The following ATP8B1 variants were observed in gnomAD, a reference collection of about 807,000 sequenced individuals.
ATP8B1 encodes phospholipid-transporting ATPase IC.
A neutral mutation model predicts 149.9 loss-of-function variants in ATP8B1; 80 were observed. The ratio of observed to expected loss-of-function variants is 0.53; its 90% CI spans 0.45 to 0.64. The LOEUF (loss-of-function observed/expected upper bound fraction) is 0.64, where lower values mean the gene tolerates loss of function less well. Among genes scored for constraint, ATP8B1 ranks in the 30% least tolerant of loss-of-function variants. The probability of loss-of-function intolerance (pLI) is 0.00; values close to 1 mark genes in which losing one functional copy is unlikely to be tolerated. For synonymous variants in ATP8B1, 536 were observed against 562.8 expected, an observed-to-expected ratio of 0.95 and a Z score of 0.67; for missense variants, 1,247 against 1,552.6, an observed-to-expected ratio of 0.80 and a Z score of 3.31.
At chr18:57,789,965 A>G (rs1324362486) in intron 1 of ATP8B1, among the ~76,000 whole-genome samples, 1 of 152,106 alleles carries the variant, frequency 6.6e-6, no homozygotes, top group African/African-American at 2.4e-5. Context: ...CTGAATCACC[A>G]ATGCTTGACC....
intron 1 of ATP8B1, among the ~76,000 whole-genome samples, chr18:57,775,403 G>A (rs1471903784): frequency 6.6e-6 from 1 of 151,520 alleles, no homozygotes; most frequent in African/African-American, 2.4e-5. Flanking sequence ...AAGGAGAGGG[G>A]CGGAATGGAG....
At position 57,648,546 on chromosome 18, in the gene ATP8B1, G is replaced by A. The variant is rs749210750; in HGVS notation, c.3698C>T (p.Pro1233Leu). 1 of 1,611,574 alleles carries A rather than the reference G, an allele frequency of 6.2e-7. No individual in the cohort carries two copies. ...GCCATCCGCCACGATGGCATCAAGC[G>A]GCGAGCGCTTCTTGCGGATGCTGCG... is the stretch of plus-strand genomic sequence containing the variant. ...SGRSIRKKRS[P>L]LDAIVADGTA... The change falls in exon 28 of 28, where the codon CCG (proline) becomes CTG (leucine). Residue 1233 changes from proline (P) to leucine (L), a missense_variant. Physicochemically the swap from Pro to Leu is moderately conservative, Grantham distance 98 (BLOSUM62 -3). Around this residue, in one of 3 missense-constraint regions of ATP8B1, gnomAD observed 164 missense variants for 160.3 expected, o/e 1.02. Coordinates refer to ENST00000648908, the MANE Select transcript of ATP8B1 (RefSeq NM_001374385.1).
intron 3 of ATP8B1, 129 bp downstream of exon 3, chr18:57,706,361 A>T (rs73443026): frequency 1.3e-6 from 1 of 741,040 alleles, no homozygotes; most frequent in African/African-American, 1.7e-5. Context: ...TATAGAAACA[A>T]TGATGATTAT....
intron 2 of ATP8B1, among the ~76,000 whole-genome samples, chr18:57,721,923 A>G (rs2079650845): frequency 8.2e-6 from 1 of 122,226 alleles, no homozygotes; most frequent in Non-Finnish European, 1.7e-5. Context: ...CAATCAAACT[A>G]GAACTCAGGA....
intron 6 of ATP8B1, among the ~76,000 whole-genome samples, chr18:57,699,708 G>C (rs577915084): frequency 6.8e-6 from 1 of 146,890 alleles, no homozygotes. Context: ...GCGACAGAGC[G>C]AGACTCCGTC....
chr18:57,740,835 C>T (rs1483652992), intron 1 of ATP8B1: 1 of 152,204 alleles, frequency 6.6e-6, no homozygotes, highest in Admixed American at 6.6e-5. Flanking sequence ...CTTGGCCTCA[C>T]AAAATACTGG....
intron 12 of ATP8B1, among the ~76,000 whole-genome samples, chr18:57,689,622 C>T (rs1433006211): frequency 6.6e-6 from 1 of 152,090 alleles, no homozygotes; most frequent in Non-Finnish European, 1.5e-5. Context: ...TGTCTGTAAA[C>T]AAAACAAAGT....
chr18:57,681,075 A>C (rs1305622589), intron 15 of ATP8B1, among the ~76,000 whole-genome samples: 1 of 152,172 alleles, frequency 6.6e-6, no homozygotes, highest in African/African-American at 2.4e-5. Flanking sequence ...CTTAAAATAG[A>C]TTATCCAGGT....
At chr18:57,705,147 C>T (rs1386926037) in intron 3 of ATP8B1, among the ~76,000 whole-genome samples, 4 of 152,174 alleles carry the variant, frequency 2.6e-5, no homozygotes, top group Non-Finnish European at 5.9e-5. Flanking sequence ...AGCCAAGCCT[C>T]AAAATGACTA....
rs966151863 is a variant in ATP8B1 at position 57,784,241 on chromosome 18, C to T, written c.-26+18757G>A. Reference sequence around the variant, plus strand: ...TTGCAGGGGGAAGCCGGGGTCAGGGCGGGCTGGGCATAGAGAGCTGTGGAG... The same window carrying T: ...TTGCAGGGGGAAGCCGGGGTCAGGGTGGGCTGGGCATAGAGAGCTGTGGAG... On this transcript the variant is annotated intron_variant, in intron 1 of 27. Coordinates refer to ENST00000648908, the MANE Select transcript of ATP8B1 (RefSeq NM_001374385.1). The surrounding 1 kb of genome is among the most constrained non-coding windows in gnomAD (Gnocchi z 4.4). Among the ~76,000 whole-genome samples the T allele has an allele frequency of 4.6e-5, 7 of 152,190 alleles. No homozygotes were observed. Among genetic ancestry groups the T allele is most frequent in the Admixed American group, 2.6e-4 (4 of 15,264 alleles).
rs532323961 is a variant in ATP8B1, at chr18:57,663,083, C to T, written c.2286-468G>A. 3.3e-5 allele frequency among the ~76,000 whole-genome samples: 5 copies of T among 152,234 alleles called. No homozygotes were observed. In the South Asian group the frequency reaches 1.0e-3, roughly 32 times the overall value. The stretch of plus-strand genomic sequence containing the variant: ...AAACTCTATACCTATTAAACAATAA[C>T]ACCTCACCTCACTCGCCCTCCAGTC... On this transcript the variant is annotated intron_variant, in intron 20 of 27. Coordinates refer to ENST00000648908, the MANE Select transcript of ATP8B1 (RefSeq NM_001374385.1).
intron 2 of ATP8B1, among the ~76,000 whole-genome samples, chr18:57,717,848 G>A (rs1236103379): frequency 1.3e-5 from 2 of 150,894 alleles, no homozygotes; most frequent in Non-Finnish European, 3.0e-5. Flanking sequence ...CAATTCTTGT[G>A]CCTCAGTCTC....
intron 1 of ATP8B1, among the ~76,000 whole-genome samples, chr18:57,790,347 C>T (rs1259042210): frequency 6.6e-6 from 1 of 151,716 alleles, no homozygotes; most frequent in Non-Finnish European, 1.5e-5. Flanking sequence ...CCCCATATCG[C>T]AGTCTCTGGA....
At chr18:57,732,129 G>GTATATATATGTATATATATGTGTA (rs368854552) in intron 1 of ATP8B1, 1 of 41,450 alleles carries the variant, frequency 2.4e-5, no homozygotes, top group African/African-American at 7.8e-5. Flanking sequence ...ATATATATGT[G>GTATATATATGTATATATATGTGTA]TATATGTATA....
intron 2 of ATP8B1, among the ~76,000 whole-genome samples, chr18:57,718,744 C>G (rs1025411810): frequency 2.2e-4 from 34 of 152,164 alleles, no homozygotes; most frequent in African/African-American, 8.2e-4. Context: ...TGTGATATGT[C>G]ATGTCAACAG....
intron 13 of ATP8B1, among the ~76,000 whole-genome samples, chr18:57,687,512 G>A (rs763595106): frequency 2.0e-5 from 3 of 152,236 alleles, no homozygotes; most frequent in Middle Eastern, 3.4e-3. Context: ...TGGCATAAAC[G>A]AGTTCAGGTT....
chr18:57,750,890 G>A (rs374252849), intron 1 of ATP8B1, among the ~76,000 whole-genome samples: 1 of 152,100 alleles, frequency 6.6e-6, no homozygotes, highest in Admixed American at 6.5e-5. Context: ...AGGCCAAGGC[G>A]GGTGGATCGC....
Position 57,668,507 on chromosome 18 carries a change from G to T in ATP8B1, c.2131C>A (p.Gln711Lys). The T allele has an allele frequency of 6.5e-7, 1 of 1,537,970 alleles. No homozygotes were observed. Among genetic ancestry groups the T allele is most frequent in the Non-Finnish European group, 8.8e-7 (1 of 1,131,960 alleles). The change falls in exon 19 of 28, where the codon CAG (glutamine) becomes AAG (lysine). Residue 711 changes from glutamine (Q) to lysine (K), a missense_variant. By Grantham distance (53) the Gln-to-Lys change is moderately conservative. Coordinates refer to ENST00000648908, the MANE Select transcript of ATP8B1 (RefSeq NM_001374385.1). ...LGATAIEDKL[Q>K]DGVPETISKL... Reference sequence around the variant, plus strand: ...GAAATGGTTTCTGGAACTCCATCCTGTAGCTTGTCTTCAATAGCTGTAGCT... The same window carrying T: ...GAAATGGTTTCTGGAACTCCATCCTTTAGCTTGTCTTCAATAGCTGTAGCT...
chr18:57,651,356 T>C (rs896048629), intron 26 of ATP8B1, among the ~76,000 whole-genome samples: 3 of 152,214 alleles, frequency 2.0e-5, no homozygotes, highest in African/African-American at 7.2e-5. Context: ...TCCACCCATA[T>C]TGGCCTCCCA....
Sources: gnomAD v4.1 joint callset for allele counts (sites outside exome capture counted in the v4.1 genomes callset) on GRCh38, gnomAD v4.1.1 for gene constraint, gnomAD v4.1.1 regional missense constraint, Gnocchi (gnomAD v3.1) non-coding constraint, MANE v1.5 for transcripts, NCBI Gene and HGNC (gene_info 2026-07-23, HGNC 2026-07-21) for gene names.